Variants in ATP2B2 observed in about 807,000 individuals in gnomAD.
ATP2B2 encodes the protein ATPase plasma membrane Ca2+ transporting 2, also known as plasma membrane calcium-transporting ATPase 2.
Under a neutral mutation model 120.0 loss-of-function variants are expected in ATP2B2, and 15 were observed. The ratio of observed to expected loss-of-function variants is 0.12; its 90% CI spans 0.08 to 0.19. ATP2B2 has a LOEUF of 0.19. Ranked by LOEUF, ATP2B2 falls within the 10% of genes least tolerant of loss-of-function variation. The pLI is 1.00. For missense variants in ATP2B2, 1,045 were observed against 1,719.8 expected (o/e 0.61, Z 6.94); for synonymous variants, 694 against 700.3 (o/e 0.99, Z 0.14).
At chr3:10,595,880 T>C (rs1417385927) in intron 2 of ATP2B2, among the ~76,000 whole-genome samples, 1 of 152,146 alleles carries the variant, frequency 6.6e-6, no homozygotes, top group Non-Finnish European at 1.5e-5. Context: ...CAATCTGACC[T>C]CGTCTCTTAT....
intron 1 of ATP2B2, among the ~76,000 whole-genome samples, chr3:10,488,100 GCCATCCAT>G (rs943539240): frequency 7.0e-6 from 1 of 143,524 alleles, no homozygotes; most frequent in Non-Finnish European, 1.5e-5. Flanking sequence ...CATCCATCCA[GCCATCCAT>G]CCATCCATCC....
rs753517594 is a variant in ATP2B2, at chr3:10,371,920, G to A, written c.1548C>T (p.Val516=). 2.5e-5 allele frequency: 40 copies of A among 1,614,076 alleles called. No individual in the cohort carries two copies. The highest frequency in any genetic ancestry group is 3.1e-5 in the Non-Finnish European group (36 of 1,180,046). The change falls in exon 12 of 23, where the codon GTC becomes GTT. Residue 516 remains valine, a synonymous_variant. Transcript: ENST00000360273. ...GGATCTCTTTATAGTGGACGTCGCC[G>A]ACATAGGCCTGTACCACTGTCATGC... ...TNRMTVVQAY[V]GDVHYKEIPD...
chr3:10,653,082 G>C (rs1245965080), intron 1 of ATP2B2, among the ~76,000 whole-genome samples: 1 of 152,060 alleles, frequency 6.6e-6, no homozygotes, highest in Non-Finnish European at 1.5e-5. Context: ...CTGCTAAGAT[G>C]GTACATTTTA....
chr3:10,683,324 G>T (rs996936526), intron 1 of ATP2B2, among the ~76,000 whole-genome samples: 1 of 152,020 alleles, frequency 6.6e-6, no homozygotes, highest in African/African-American at 2.4e-5. Context: ...GGCACAGAGG[G>T]AGGAATGTGA....
chr3:10,325,365 G>A lies in ATP2B2; in HGVS notation c.*3449C>T, dbSNP rs944361057. ...TTAGAAATTGACAATAGTTAAAATT[G>A]TATGGCTGGTGCCAGATGAGACACC... On this transcript the variant is annotated 3_prime_UTR_variant, in exon 23 of 23. Coordinates refer to ENST00000360273, the MANE Select transcript of ATP2B2 (RefSeq NM_001001331.4). 1 of 152,232 alleles carries A rather than the reference G, an allele frequency of 6.6e-6. No homozygotes were observed. The highest frequency in any genetic ancestry group is 2.4e-5 in the African/African-American group (1 of 41,458). The allele number at this position is 152,232 out of a possible 1,614,324, so 9.4% of individuals were successfully genotyped here. A position where few individuals can be genotyped will look rare whatever the true frequency, so the allele number is the denominator to read the frequency against.
chr3:10,554,687 G>GT (rs1216848414), intron 2 of ATP2B2, among the ~76,000 whole-genome samples: 1 of 152,196 alleles, frequency 6.6e-6, no homozygotes, highest in Non-Finnish European at 1.5e-5. Flanking sequence ...CTGGTCTATG[G>GT]TTTTTTGTTA....
chr3:10,386,368 C>G lies in ATP2B2; in HGVS notation c.940+112G>C, dbSNP rs1356073297. 3.7e-5 allele frequency: 47 copies of G among 1,256,222 alleles called. 1 individual carries two copies. Among genetic ancestry groups the G allele is most frequent in the Non-Finnish European group, 5.2e-5 (45 of 858,772 alleles). The allele number at this position is 1,256,222 out of a possible 1,614,324, so 77.8% of individuals were successfully genotyped here. On this transcript the variant is annotated intron_variant, in intron 7 of 22. Coordinates refer to ENST00000360273, the MANE Select transcript of ATP2B2 (RefSeq NM_001001331.4). ...AGGGTCTGGGGGGTGGAGCCACCCA[C>G]AGGCATGTGGCCTCCTCCAGCTGTG...
chr3:10,469,538 C>T (rs1198969182), intron 1 of ATP2B2, among the ~76,000 whole-genome samples: 2 of 152,220 alleles, frequency 1.3e-5, no homozygotes, highest in Admixed American at 1.3e-4. Context: ...CAGAAGCCAG[C>T]GTCAGGCCCC....
chr3:10,365,632 T>C (rs917029150), intron 12 of ATP2B2, among the ~76,000 whole-genome samples: 2 of 150,646 alleles, frequency 1.3e-5, no homozygotes, highest in Non-Finnish European at 3.0e-5. Flanking sequence ...GTGTCTGTGG[T>C]GTGTGTATAT....
intron 1 of ATP2B2, among the ~76,000 whole-genome samples, chr3:10,467,188 G>A (rs1303981509): frequency 1.3e-5 from 2 of 152,350 alleles, no homozygotes; most frequent in East Asian, 3.9e-4. Flanking sequence ...GGTTGTCTGT[G>A]TCCTTGGATC....
At chr3:10,642,340 G>C (rs761226133) in intron 1 of ATP2B2, among the ~76,000 whole-genome samples, 2 of 152,208 alleles carry the variant, frequency 1.3e-5, no homozygotes, top group Non-Finnish European at 2.9e-5. Flanking sequence ...TTGGCCATTA[G>C]TGTTGACCCA....
chr3:10,584,407 C>A (rs1312608196), intron 2 of ATP2B2, among the ~76,000 whole-genome samples: 1 of 152,146 alleles, frequency 6.6e-6, no homozygotes, highest in African/African-American at 2.4e-5. Flanking sequence ...GGTGGCCTGA[C>A]CCAGCCCACA....
chr3:10,507,413 C>T (rs2066664686), upstream of ATP2B2, among the ~76,000 whole-genome samples: 1 of 152,132 alleles, frequency 6.6e-6, no homozygotes, highest in Non-Finnish European at 1.5e-5. Context: ...CAGCTCCACC[C>T]CAGGGACCAG....
chr3:10,456,716 G>A (rs188519641), intron 1 of ATP2B2, among the ~76,000 whole-genome samples: 31 of 152,342 alleles, frequency 2.0e-4, no homozygotes, highest in Non-Finnish European at 4.4e-4. Context: ...CAGGTGGCTG[G>A]GGAGGCCTCC....
chr3:10,425,585 G>A (rs1041960479), intron 2 of ATP2B2, among the ~76,000 whole-genome samples: 5 of 152,110 alleles, frequency 3.3e-5, no homozygotes, highest in African/African-American at 9.7e-5. Flanking sequence ...CGAGTGTGAC[G>A]CGCCGGGCAC....
intron 2 of ATP2B2, among the ~76,000 whole-genome samples, chr3:10,579,796 C>A (rs1053858452): frequency 1.1e-5 from 1 of 90,698 alleles, no homozygotes; most frequent in Admixed American, 1.2e-4. Context: ...GGCAACAGAG[C>A]GAGACTCCGT....
chr3:10,506,846 C>T (rs998886937), upstream of ATP2B2, among the ~76,000 whole-genome samples: 3 of 152,246 alleles, frequency 2.0e-5, no homozygotes, highest in South Asian at 2.1e-4. Flanking sequence ...CCCGCCCGAG[C>T]GTCCCGAGCT....
At position 10,580,351 on chromosome 3, in the gene ATP2B2, T is replaced by A. The variant is rs147641251; in HGVS notation, c.-415+39566A>T. Among the ~76,000 whole-genome samples, 14 of 152,272 alleles carry A rather than the reference T, an allele frequency of 9.2e-5. No homozygotes were observed. The East Asian group carries it at 1.7e-3, about 19-fold the overall frequency. ...CCTGCTCCACTGGAACCGAAGCTCT[T>A]ATGAGGGCAGGGGTTTCTGTGTGTC... On this transcript the variant is annotated intron_variant, in intron 2 of 21. Transcript: ENST00000646379.
chr3:10,343,002 C>T lies in ATP2B2; in HGVS notation c.2704-37G>A. The T allele has an allele frequency of 1.2e-5, 19 of 1,602,400 alleles. No homozygotes were observed. The highest frequency in any genetic ancestry group is 1.6e-5 in the Non-Finnish European group (19 of 1,170,812). On this transcript the variant is annotated intron_variant, in intron 18 of 22. Transcript: ENST00000360273. The surrounding 1 kb of genome is among the most constrained non-coding windows in gnomAD (Gnocchi z 4.2). ...CAGGAGAGGGCTGTCACCTGTGCGCCCACCTGCTGCTGTGAAGTGCTGGGC... is the reference window on the plus strand; with the variant it reads ...CAGGAGAGGGCTGTCACCTGTGCGCTCACCTGCTGCTGTGAAGTGCTGGGC...
Sources: allele counts gnomAD v4.1 joint callset (sites outside exome capture counted in the v4.1 genomes callset), GRCh38; gene constraint gnomAD v4.1.1; non-coding constraint Gnocchi (gnomAD v3.1); transcripts MANE v1.5; gene names NCBI Gene and HGNC (gene_info 2026-07-23, HGNC 2026-07-21).